LMBR1: variants seen among roughly 807,000 people sequenced by gnomAD.
LMBR1 encodes the protein limb region 1 protein homolog.
LMBR1 carries 52 observed loss-of-function variants against 73.9 expected under a neutral mutation model. The ratio of observed to expected loss-of-function variants is 0.70; its 90% CI spans 0.56 to 0.89. LMBR1 has a LOEUF of 0.89. Ranked by LOEUF, LMBR1 falls within the 40% of genes least tolerant of loss-of-function variation. The pLI, the probability that LMBR1 is intolerant of heterozygous loss-of-function variation, is 0.00. For synonymous variants in LMBR1, 215 were observed against 209.4 expected, an observed-to-expected ratio of 1.03 and a Z score of -0.23; for missense variants, 539 against 579.8, an observed-to-expected ratio of 0.93 and a Z score of 0.72.
chr7:156,707,139 T>C (rs1811114350), intron 15 of LMBR1, among the ~76,000 whole-genome samples: 1 of 151,710 alleles, frequency 6.6e-6, no homozygotes, highest in South Asian at 2.1e-4. Context: ...CTAGAGGAAA[T>C]GGATAAATTA....
chr7:156,789,943 T>C (rs963528885), intron 5 of LMBR1, among the ~76,000 whole-genome samples: 1 of 151,176 alleles, frequency 6.6e-6, no homozygotes, highest in African/African-American at 2.5e-5. Flanking sequence ...CTTTAAAATC[T>C]GTACTTGGTA....
At chr7:156,742,701 C>G (rs1226646590) in intron 9 of LMBR1, among the ~76,000 whole-genome samples, 1 of 152,082 alleles carries the variant, frequency 6.6e-6, no homozygotes, top group Non-Finnish European at 1.5e-5. Flanking sequence ...GAACTAATAC[C>G]AATCCTATTC....
intron 5 of LMBR1, among the ~76,000 whole-genome samples, chr7:156,786,322 T>C (rs1828096705): frequency 6.6e-6 from 1 of 152,026 alleles, no homozygotes; most frequent in African/African-American, 2.4e-5. Flanking sequence ...AGGTTAGCAG[T>C]GATTCCCAGT....
chr7:156,806,771 CCAGTT>C (rs1030416240), intron 4 of LMBR1, among the ~76,000 whole-genome samples: 1 of 151,910 alleles, frequency 6.6e-6, no homozygotes, highest in African/African-American at 2.4e-5. Flanking sequence ...ACCACCATGC[CCAGTT>C]AAGTTTTATA....
chr7:156,837,410 G>GAA (rs1178783598), intron 1 of LMBR1, among the ~76,000 whole-genome samples: 3 of 122,658 alleles, frequency 2.4e-5, no homozygotes, highest in Non-Finnish European at 3.5e-5. Flanking sequence ...AATACCATTT[G>GAA]AAAAAAAAAA....
intron 1 of LMBR1, among the ~76,000 whole-genome samples, chr7:156,863,234 C>A (rs1279356958): frequency 7.0e-6 from 1 of 143,482 alleles, no homozygotes; most frequent in Admixed American, 6.8e-5. Flanking sequence ...GAGAGCCAGT[C>A]TGAGTTTCAA....
intron 5 of LMBR1, among the ~76,000 whole-genome samples, chr7:156,764,006 A>AC: frequency 7.0e-6 from 1 of 142,700 alleles, no homozygotes; most frequent in Admixed American, 6.8e-5. Flanking sequence ...GATAAAACAC[A>AC]AAAAAAATTC....
At chr7:156,778,192 T>C (rs1271190868) in intron 5 of LMBR1, among the ~76,000 whole-genome samples, 1 of 152,256 alleles carries the variant, frequency 6.6e-6, no homozygotes. Context: ...TCAATATTTC[T>C]TTTGAAAGTC....
chr7:156,786,046 T>C (rs772277715), intron 5 of LMBR1, among the ~76,000 whole-genome samples: 82 of 150,752 alleles, frequency 5.4e-4, no homozygotes, highest in Non-Finnish European at 9.3e-4. Context: ...AGACAGCAAA[T>C]AAATGGGATC....
chr7:156,792,444 T>G (rs993711925), intron 5 of LMBR1, among the ~76,000 whole-genome samples: 1 of 152,142 alleles, frequency 6.6e-6, no homozygotes, highest in Non-Finnish European at 1.5e-5. Context: ...CTGCTAATAA[T>G]AAGTCTAAAT....
intron 15 of LMBR1, among the ~76,000 whole-genome samples, chr7:156,695,162 A>G (rs1475230678): frequency 6.6e-6 from 1 of 152,214 alleles, no homozygotes; most frequent in Non-Finnish European, 1.5e-5. Context: ...TTTAAAAATT[A>G]GATGGCCATA....
intron 1 of LMBR1, among the ~76,000 whole-genome samples, chr7:156,883,866 T>G (rs1360269867): frequency 6.6e-6 from 1 of 152,058 alleles, no homozygotes; most frequent in Non-Finnish European, 1.5e-5. Context: ...CCTGGATAAT[T>G]CAGGGTAATT....
At chr7:156,731,922 T>C (rs192630869) in intron 10 of LMBR1, among the ~76,000 whole-genome samples, 4 of 150,538 alleles carry the variant, frequency 2.7e-5, no homozygotes, top group African/African-American at 9.8e-5. Flanking sequence ...ATATCTAGTA[T>C]GTACCCTGAA....
chr7:156,817,713 C>CA lies in LMBR1; in HGVS notation c.319+8891dup, dbSNP rs201944374. Among the ~76,000 whole-genome samples the CA allele has an allele frequency of 5.0e-4, 75 of 150,054 alleles. No individual in the cohort carries two copies. The East Asian group carries it at 5.4e-3, about 11-fold the overall frequency. On this transcript the variant is annotated intron_variant, in intron 4 of 16. Coordinates refer to ENST00000353442, the MANE Select transcript of LMBR1 (RefSeq NM_022458.4). Reference sequence around the variant, plus strand: ...CAAACACCAAATGCAATGTAAATACCAAAAAAAAATGCATATCATAAAATC... The same window carrying CA: ...CAAACACCAAATGCAATGTAAATACCAAAAAAAAAATGCATATCATAAAATC...
At chr7:156,701,482 G>T (rs1245686902) in intron 15 of LMBR1, among the ~76,000 whole-genome samples, 1 of 152,204 alleles carries the variant, frequency 6.6e-6, no homozygotes, top group African/African-American at 2.4e-5. Context: ...ATTCTAGGAA[G>T]TGCAAACTAA....
intron 5 of LMBR1, among the ~76,000 whole-genome samples, chr7:156,769,345 T>A (rs1010800279): frequency 6.6e-6 from 1 of 152,102 alleles, no homozygotes; most frequent in Non-Finnish European, 1.5e-5. Context: ...TCCTTCGTCT[T>A]ACAACAGGAG....
At chr7:156,803,479 G>A (rs538069462) in intron 4 of LMBR1, among the ~76,000 whole-genome samples, 4,939 of 151,974 alleles carry the variant, frequency 0.032, 122 homozygotes, top group South Asian at 0.083. Context: ...TTAGAATGGC[G>A]ATCATTAAAA....
intron 15 of LMBR1, among the ~76,000 whole-genome samples, chr7:156,714,778 C>T (rs1376416767): frequency 3.3e-5 from 5 of 152,072 alleles, no homozygotes. Flanking sequence ...AGTCCTTCCA[C>T]CTGCCTCCCC....
chr7:156,705,639 C>T (rs556530099), intron 15 of LMBR1, among the ~76,000 whole-genome samples: 47 of 152,304 alleles, frequency 3.1e-4, no homozygotes, highest in African/African-American at 1.1e-3. Flanking sequence ...GAGATAAAGT[C>T]TTTTGCAGAC....
Sources: allele counts gnomAD v4.1 joint callset (sites outside exome capture counted in the v4.1 genomes callset), GRCh38; gene constraint gnomAD v4.1.1; transcripts MANE v1.5; gene names NCBI Gene and HGNC (gene_info 2026-07-23, HGNC 2026-07-21).